JARID2: variants seen among roughly 807,000 people sequenced by gnomAD.
The protein encoded by JARID2 is jumonji and AT-rich interaction domain containing 2.
Under a neutral mutation model 125.6 loss-of-function variants are expected in JARID2, and 21 were observed. The ratio of observed to expected loss-of-function variants is 0.17; its 90% confidence interval spans 0.12 to 0.24. The LOEUF (loss-of-function observed/expected upper bound fraction) is 0.24. JARID2 is among the 10% of genes least tolerant of loss of function. The pLI is 1.00. For missense variants in JARID2, 1,303 were observed against 1,639.6 expected, an observed-to-expected ratio of 0.79 and a Z score of 3.55; for synonymous variants, 736 against 661.6, an observed-to-expected ratio of 1.11 and a Z score of -1.73.
chr6:15,402,450 C>T (rs1765475354), intron 2 of JARID2, among the ~76,000 whole-genome samples: 3 of 152,286 alleles, frequency 2.0e-5, no homozygotes, highest in Admixed American at 6.5e-5. Flanking sequence ...GGACATCTCC[C>T]TTTGAGAAGT....
At chr6:15,465,051 A>C (rs866155822) in intron 4 of JARID2, among the ~76,000 whole-genome samples, 8 of 152,146 alleles carry the variant, frequency 5.3e-5, no homozygotes, top group Middle Eastern at 6.8e-3. Flanking sequence ...TTAGCCCCTC[A>C]CTTTCTTTCC....
intron 3 of JARID2, among the ~76,000 whole-genome samples, chr6:15,450,781 G>A (rs999824378): frequency 1.3e-5 from 2 of 152,220 alleles, no homozygotes; most frequent in East Asian, 3.8e-4. Flanking sequence ...TTGATTGTAT[G>A]TAAAGCAAAA....
intron 5 of JARID2, among the ~76,000 whole-genome samples, chr6:15,474,272 T>C (rs748763281): frequency 2.0e-5 from 3 of 152,248 alleles, no homozygotes; most frequent in Non-Finnish European, 4.4e-5. Flanking sequence ...TCTTTCAAAA[T>C]TAAATATTCT....
intron 2 of JARID2, chr6:15,400,745 T>C (rs1765396223): frequency 2.1e-6 from 2 of 952,840 alleles, no homozygotes; most frequent in Non-Finnish European, 2.5e-6. Context: ...TAAATAACCT[T>C]CTCTCCTGGC....
chr6:15,472,065 T>C (rs534781628), intron 5 of JARID2, among the ~76,000 whole-genome samples: 3 of 152,084 alleles, frequency 2.0e-5, no homozygotes, highest in Non-Finnish European at 4.4e-5. Context: ...TTCAGATATT[T>C]CCAGGAACAG....
At chr6:15,418,049 C>G (rs552575975) in intron 3 of JARID2, among the ~76,000 whole-genome samples, 63 of 152,084 alleles carry the variant, frequency 4.1e-4, no homozygotes, top group Non-Finnish European at 5.1e-4. Flanking sequence ...TGTAAATTTC[C>G]TCTGCCGAGC....
At chr6:15,372,943 G>A (rs143256536) in intron 1 of JARID2, among the ~76,000 whole-genome samples, 2 of 152,022 alleles carry the variant, frequency 1.3e-5, no homozygotes, top group Non-Finnish European at 2.9e-5. Flanking sequence ...TCCTGACCTC[G>A]TGATCTGCCC....
At chr6:15,414,251 G>A (rs1416259827) in intron 3 of JARID2, among the ~76,000 whole-genome samples, 1 of 152,098 alleles carries the variant, frequency 6.6e-6, no homozygotes, top group Non-Finnish European at 1.5e-5. Context: ...TTTCCAACCT[G>A]CACGTTGAAG....
At position 15,339,128 on chromosome 6, in the gene JARID2, CG is replaced by C. The variant is rs1158415362; in HGVS notation, c.46-34986del. On this transcript the variant is annotated intron_variant, in intron 1 of 17. Coordinates refer to ENST00000341776, the MANE Select transcript of JARID2 (RefSeq NM_004973.4). The stretch of plus-strand genomic sequence containing the variant: ...GGGATCCCAGTGACGAGGTGGAAGA[CG>C]GGAAGCGGAGACACTTTCAGGTGTG... 5.9e-5 allele frequency among the ~76,000 whole-genome samples: 9 copies of C among 152,112 alleles called. 1 individual carries two copies. The highest frequency in any genetic ancestry group is 2.2e-4 in the African/African-American group (9 of 41,478).
chr6:15,332,940 T>TC (rs1309737299), intron 1 of JARID2, among the ~76,000 whole-genome samples: 4 of 130,924 alleles, frequency 3.1e-5, no homozygotes, highest in Non-Finnish European at 3.3e-5. Flanking sequence ...CTTTTCTTTT[T>TC]TTTTTTTTTT....
chr6:15,301,399 A>G (rs1306148393), intron 1 of JARID2, among the ~76,000 whole-genome samples: 3 of 152,194 alleles, frequency 2.0e-5, no homozygotes, highest in Non-Finnish European at 4.4e-5. Context: ...TGTGATATTC[A>G]GAGGTTTACT....
intron 5 of JARID2, among the ~76,000 whole-genome samples, chr6:15,485,570 G>T (rs1769826576): frequency 6.6e-6 from 1 of 152,152 alleles, no homozygotes. Context: ...ATTGGGTGTG[G>T]TAATTAGCTT....
chr6:15,278,817 C>G (rs1760640098), intron 1 of JARID2, among the ~76,000 whole-genome samples: 1 of 152,072 alleles, frequency 6.6e-6, no homozygotes, highest in South Asian at 2.1e-4. Context: ...ACGTGTAATC[C>G]CAGCACTTTG....
chr6:15,302,401 C>T (rs546210222), intron 1 of JARID2, among the ~76,000 whole-genome samples: 2 of 151,088 alleles, frequency 1.3e-5, no homozygotes, highest in Admixed American at 6.6e-5. Flanking sequence ...GGCGACAGAG[C>T]GAGACTCTGT....
chr6:15,453,864 A>G (rs529489963), intron 4 of JARID2, among the ~76,000 whole-genome samples: 2 of 152,198 alleles, frequency 1.3e-5, no homozygotes, highest in South Asian at 4.2e-4. Flanking sequence ...GGAATTGGCC[A>G]TGTCTTCAAG....
At chr6:15,509,456 A>AG in intron 12 of JARID2, 2 of 638,116 alleles carry the variant, frequency 3.1e-6, no homozygotes, top group Non-Finnish European at 3.9e-6. Context: ...GACATGAGGG[A>AG]GCCCTCCCTT....
chr6:15,272,915 AT>A (rs1423433016), intron 1 of JARID2, among the ~76,000 whole-genome samples: 3 of 152,126 alleles, frequency 2.0e-5, no homozygotes, highest in African/African-American at 4.8e-5. Flanking sequence ...CCCTGCTCCC[AT>A]TGGCTCTTTA....
At chr6:15,344,735 C>G (rs1763191092) in intron 1 of JARID2, among the ~76,000 whole-genome samples, 1 of 152,064 alleles carries the variant, frequency 6.6e-6, no homozygotes, top group East Asian at 1.9e-4. Context: ...CCCAGGTTGT[C>G]TCTTACTTGT....
chr6:15,367,493 G>T (rs971459795), intron 1 of JARID2, among the ~76,000 whole-genome samples: 2 of 151,860 alleles, frequency 1.3e-5, no homozygotes, highest in African/African-American at 4.8e-5. Flanking sequence ...TTTTAATTTT[G>T]CTTTTACCTA....
Sources: allele counts gnomAD v4.1 joint callset (sites outside exome capture counted in the v4.1 genomes callset), GRCh38; gene constraint gnomAD v4.1.1; transcripts MANE v1.5; gene names NCBI Gene and HGNC (gene_info 2026-07-23, HGNC 2026-07-21).